The following HIBCH variants were observed in gnomAD, a reference collection of about 807,000 sequenced individuals.
HIBCH encodes the protein 3-hydroxyisobutyryl-CoA hydrolase, mitochondrial.
A neutral mutation model predicts 58.2 loss-of-function variants in HIBCH; 50 were observed. The observed-to-expected ratio is 0.86, with a 90% confidence interval of 0.68 to 1.09. HIBCH has a LOEUF of 1.09. HIBCH is among the 50% of genes least tolerant of loss of function. HIBCH has a pLI of 0.00. For synonymous variants in HIBCH, 151 were observed against 146.9 expected, an observed-to-expected ratio of 1.03 and a Z score of -0.20; for missense variants, 450 against 449.7, an observed-to-expected ratio of 1.00 and a Z score of -0.01.
chr2:190,194,227 T>G lies in HIBCH; in HGVS notation c.*18-4230A>C, dbSNP rs1689856224. On this transcript the variant is annotated intron_variant, in intron 1 of 1. Coordinates refer to the HIBCH transcript ENST00000399855. ...AAGAATATGTAATAGTTGTTGGGTG[T>G]AGTGTTCTGTGAATATCAACTCAAG... is the stretch of plus-strand genomic sequence containing the variant. 2.0e-5 allele frequency among the ~76,000 whole-genome samples: 3 copies of G among 152,324 alleles called. No homozygotes were observed. The South Asian group carries it at 6.2e-4, about 32-fold the overall frequency.
intron 6 of HIBCH, among the ~76,000 whole-genome samples, chr2:190,275,240 G>A (rs1160232224): frequency 6.6e-6 from 1 of 152,128 alleles, no homozygotes; most frequent in Non-Finnish European, 1.5e-5. Flanking sequence ...AACCTAAAAT[G>A]TTCTTTAAAT....
At chr2:190,255,035 G>A (rs1160166833) in intron 7 of HIBCH, among the ~76,000 whole-genome samples, 1 of 152,136 alleles carries the variant, frequency 6.6e-6, no homozygotes, top group African/African-American at 2.4e-5. Context: ...CTAGACTAAT[G>A]TAATAACCTA....
intron 1 of HIBCH, among the ~76,000 whole-genome samples, chr2:190,312,417 A>C (rs1688585009): frequency 6.6e-6 from 1 of 152,248 alleles, no homozygotes; most frequent in Non-Finnish European, 1.5e-5. Flanking sequence ...CAGTAGCTGC[A>C]GCAGCCTGAT....
At chr2:190,311,159 T>C (rs1283084779) in intron 1 of HIBCH, 3 of 404,866 alleles carry the variant, frequency 7.4e-6, no homozygotes, top group Non-Finnish European at 1.4e-5. Context: ...GCATACATAC[T>C]ACTAAGCAAA....
intron 1 of HIBCH, among the ~76,000 whole-genome samples, chr2:190,318,448 T>C (rs926931934): frequency 2.8e-4 from 42 of 152,168 alleles, no homozygotes; most frequent in African/African-American, 9.7e-4. Context: ...TATTCCCTTA[T>C]ACAGTTGTGG....
intron 6 of HIBCH, among the ~76,000 whole-genome samples, chr2:190,276,537 C>T (rs1165901387): frequency 2.0e-5 from 3 of 152,140 alleles, no homozygotes; most frequent in Non-Finnish European, 4.4e-5. Context: ...CCCACAGTAA[C>T]GAATAAGTTC....
intron 11 of HIBCH, among the ~76,000 whole-genome samples, chr2:190,223,985 C>T (rs376814401): frequency 6.6e-6 from 1 of 152,182 alleles, no homozygotes. Flanking sequence ...CAAAAGGGGT[C>T]GGGGAATTCC....
intron 4 of HIBCH, among the ~76,000 whole-genome samples, chr2:190,294,214 G>A (rs1688046352): frequency 6.6e-6 from 1 of 151,604 alleles, no homozygotes; most frequent in African/African-American, 2.4e-5. Flanking sequence ...AAGACCAACA[G>A]AACTGCTTAA....
chr2:190,226,734 C>T (rs572896885), intron 11 of HIBCH, among the ~76,000 whole-genome samples: 33 of 152,134 alleles, frequency 2.2e-4, no homozygotes, highest in South Asian at 4.1e-4. Flanking sequence ...GCAAAGTCTC[C>T]GGATACAAAA....
Position 190,248,277 on chromosome 2 carries a change from A to G in HIBCH, c.750+1363T>C, listed in dbSNP as rs143193630. ...ATGGGATTCTCAATTGTGTTACATT[A>G]TAAGATGATCAGGCAAGATGTGTTA... On this transcript the variant is annotated intron_variant, in intron 9 of 13. Transcript: ENST00000359678. Among the ~76,000 whole-genome samples the G allele has an allele frequency of 4.3e-3, 659 of 152,314 alleles. 2 individuals carry two copies. Among genetic ancestry groups the G allele is most frequent in the African/African-American group, 0.015 (611 of 41,568 alleles).
chr2:190,222,537 T>G (rs551076887), intron 11 of HIBCH, among the ~76,000 whole-genome samples: 53 of 152,168 alleles, frequency 3.5e-4, no homozygotes, highest in African/African-American at 1.3e-3. Flanking sequence ...TCATCACTGG[T>G]CATTAGAGAA....
At position 190,254,017 on chromosome 2, in the gene HIBCH, T is replaced by TG. The variant is rs1056811159; in HGVS notation, c.518-1711dup. 5.3e-5 allele frequency among the ~76,000 whole-genome samples: 8 copies of TG among 152,072 alleles called. No individual in the cohort carries two copies. Among genetic ancestry groups the TG allele is most frequent in the African/African-American group, 1.9e-4 (8 of 41,402 alleles). ...ACACCACCTCCTCTGCTTGACCTCT[T>TG]GCTCAAGGTGCCTAAGCTCCATATT... On this transcript the variant is annotated intron_variant, in intron 7 of 13. Transcript: ENST00000359678. This position sits in a 1 kb window ranked among gnomAD's most constrained non-coding sequence, Gnocchi z 5.0.
At position 190,243,540 on chromosome 2, in the gene HIBCH, A is replaced by G. The variant is rs557387811; in HGVS notation, c.891+1347T>C. On this transcript the variant is annotated intron_variant, in intron 11 of 13. Coordinates refer to ENST00000359678, the MANE Select transcript of HIBCH (RefSeq NM_014362.4). The surrounding 1 kb of genome is among the most constrained non-coding windows in gnomAD (Gnocchi z 4.1). ...TTCCTGGAAGTTGTTAATATTAACAATCTACTTTTGTGAGTTAGGCAAATA... is the reference window on the plus strand; with the variant it reads ...TTCCTGGAAGTTGTTAATATTAACAGTCTACTTTTGTGAGTTAGGCAAATA... 6.6e-6 allele frequency among the ~76,000 whole-genome samples: 1 copy of G among 152,330 alleles called. No individual in the cohort carries two copies. Among genetic ancestry groups the G allele is most frequent in the Non-Finnish European group, 1.5e-5 (1 of 68,018 alleles).
intron 2 of HIBCH, among the ~76,000 whole-genome samples, chr2:190,309,247 A>G (rs1197283743): frequency 6.6e-6 from 1 of 152,152 alleles, no homozygotes; most frequent in Non-Finnish European, 1.5e-5. Context: ...ACTAACAAAA[A>G]ACTTTTGGTT....
chr2:190,278,322 A>G (rs2105972412), intron 6 of HIBCH, among the ~76,000 whole-genome samples: 1 of 152,144 alleles, frequency 6.6e-6, no homozygotes, highest in East Asian at 1.9e-4. Flanking sequence ...TTCCTGCCTC[A>G]GCCTCTGGAG....
chr2:190,261,771 T>C (rs1310636360), intron 6 of HIBCH, among the ~76,000 whole-genome samples: 1 of 152,144 alleles, frequency 6.6e-6, no homozygotes, highest in East Asian at 1.9e-4. Context: ...CTCCAAAATT[T>C]TAAGCTTTTA....
downstream of HIBCH, chr2:190,200,421 C>CAG (rs1690195718): frequency 3.1e-6 from 1 of 327,122 alleles, no homozygotes; most frequent in Admixed American, 4.4e-5. Context: ...AGCACTTCTT[C>CAG]CTAAGTAATG....
chr2:190,303,301 C>T (rs982778674), intron 2 of HIBCH, among the ~76,000 whole-genome samples: 4 of 152,260 alleles, frequency 2.6e-5, no homozygotes, highest in Admixed American at 1.3e-4. Context: ...CTCCCAGAGT[C>T]TAGATCTTGA....
At chr2:190,259,438 A>G (rs1026983152) in intron 7 of HIBCH, among the ~76,000 whole-genome samples, 4 of 150,298 alleles carry the variant, frequency 2.7e-5, no homozygotes, top group African/African-American at 9.8e-5. Flanking sequence ...AGCTCACTGC[A>G]GCCTCTACTT....
Sources: gnomAD v4.1 joint callset for allele counts (sites outside exome capture counted in the v4.1 genomes callset) on GRCh38, gnomAD v4.1.1 for gene constraint, Gnocchi (gnomAD v3.1) non-coding constraint, MANE v1.5 for transcripts, NCBI Gene and HGNC (gene_info 2026-07-23, HGNC 2026-07-21) for gene names.